RSRP1: variants seen among roughly 807,000 people sequenced by gnomAD.
RSRP1 encodes arginine/serine-rich protein 1.
RSRP1 carries 37 observed loss-of-function variants against 33.0 expected under a neutral mutation model. That is an observed-to-expected ratio of 1.12 (90% CI 0.86 to 1.48). The LOEUF is 1.48. Ranked by LOEUF, RSRP1 falls within the 40% of genes most tolerant of loss-of-function variation. The pLI, the probability that RSRP1 is intolerant of heterozygous loss-of-function variation, is 0.00. For synonymous variants in RSRP1, 167 were observed against 158.7 expected (o/e 1.05, Z -0.40); for missense variants, 402 against 385.3 (o/e 1.04, Z -0.36).
chr1:25,268,987 T>C (rs1263967470), intron 1 of RSRP1, among the ~76,000 whole-genome samples: 1 of 129,082 alleles, frequency 7.7e-6, no homozygotes, highest in Non-Finnish European at 1.8e-5. Context: ...GGGAAAACTT[T>C]CCTGAGAAGG....
chr1:25,273,381 C>T (rs1411749588), intron 1 of RSRP1, among the ~76,000 whole-genome samples: 2 of 100,792 alleles, frequency 2.0e-5, no homozygotes, highest in Non-Finnish European at 4.8e-5. Context: ...TGGACACAAG[C>T]GATCCTCCAG....
intron 1 of RSRP1, among the ~76,000 whole-genome samples, chr1:25,280,921 C>G (rs1205618177): frequency 7.6e-6 from 1 of 132,268 alleles, no homozygotes; most frequent in African/African-American, 2.6e-5. Context: ...CATACCTGGT[C>G]TGACTTCCTA....
In RSRP1 at chr1:25,243,525, G is replaced by C. The variant is rs1462043847; in HGVS notation, c.756+25C>G. On this transcript the variant is annotated intron_variant, in intron 4 of 4. Coordinates refer to ENST00000243189, the MANE Select transcript of RSRP1 (RefSeq NM_020317.5). ...AATACATCCTAAATCCAATTTTTGA[G>C]TGTTCAATGCCTGGATATACTTACA... is the stretch of plus-strand genomic sequence containing the variant. 6 of 1,606,248 alleles carry C rather than the reference G, an allele frequency of 3.7e-6. No individual in the cohort carries two copies. In the Admixed American group the frequency reaches 1.0e-4, roughly 27 times the overall value.
intron 1 of RSRP1, among the ~76,000 whole-genome samples, chr1:25,315,116 AC>A: frequency 7.7e-6 from 1 of 129,216 alleles, no homozygotes; most frequent in Non-Finnish European, 1.8e-5. Context: ...AGATCACGCC[AC>A]TGCACTCCAG....
chr1:25,250,882 G>A (rs187129589), upstream of RSRP1, among the ~76,000 whole-genome samples: 34 of 152,210 alleles, frequency 2.2e-4, no homozygotes, highest in South Asian at 1.5e-3. Flanking sequence ...GGTGGCGTCC[G>A]CCTGTAATCC....
chr1:25,268,190 T>C (rs1640381397), intron 1 of RSRP1, among the ~76,000 whole-genome samples: 1 of 133,490 alleles, frequency 7.5e-6, no homozygotes, highest in Non-Finnish European at 1.8e-5. Context: ...CCTGTCTTCA[T>C]GTTGCTCAGA....
chr1:25,314,532 C>T lies in RSRP1; in HGVS notation c.-67+23446G>A, dbSNP rs1644333383. ...TTTTTGAAACAGAGTCTCCTTCTGT[C>T]ACCCAGGCTGGAATGCAGTGGCGCT... On this transcript the variant is annotated intron_variant, in intron 1 of 1. Transcript: ENST00000561867. 1.5e-5 allele frequency among the ~76,000 whole-genome samples: 2 copies of T among 132,594 alleles called. 1 individual carries two copies. Among genetic ancestry groups the T allele is most frequent in the African/African-American group, 5.1e-5 (2 of 38,922 alleles). The allele number at this position is 132,594 out of a possible 152,430, so 87.0% of individuals were successfully genotyped here.
chr1:25,312,588 A>C (rs1644204343), intron 1 of RSRP1, among the ~76,000 whole-genome samples: 1 of 129,472 alleles, frequency 7.7e-6, no homozygotes, highest in African/African-American at 2.6e-5. Flanking sequence ...TACAAAAAAT[A>C]AAAATAAAAA....
chr1:25,293,588 A>G (rs1458846820), intron 1 of RSRP1, among the ~76,000 whole-genome samples: 1 of 131,464 alleles, frequency 7.6e-6, no homozygotes, highest in African/African-American at 2.6e-5. Flanking sequence ...CTGTATCTTC[A>G]GAAGCACTCC....
chr1:25,245,186 A>G lies in RSRP1; in HGVS notation c.636T>C (p.Arg212=), dbSNP rs775225777. ...RTVPSAKETS[R]GIGVSSNGAK... Reference sequence around the variant, plus strand: ...CACCATTACTTGATACACCTATTCCACGGCTTGTTTCTTTGGCTGAAGGAA... The same window carrying G: ...CACCATTACTTGATACACCTATTCCGCGGCTTGTTTCTTTGGCTGAAGGAA... The change falls in exon 3 of 5, where the codon CGT becomes CGC. Residue 212 remains arginine, a synonymous_variant. Transcript: ENST00000243189. 33 of 1,614,136 alleles carry G rather than the reference A, an allele frequency of 2.0e-5. No homozygotes were observed. Among genetic ancestry groups the G allele is most frequent in the Non-Finnish European group, 2.8e-5 (33 of 1,180,004 alleles).
upstream of RSRP1, chr1:25,247,608 C>T (rs1052523192): frequency 1.3e-5 from 2 of 152,370 alleles, no homozygotes; most frequent in African/African-American, 4.8e-5. Context: ...GAGCGCTTGC[C>T]TCCAGGGTGC....
intron 1 of RSRP1, among the ~76,000 whole-genome samples, chr1:25,295,850 ATTTTTTTTTTTTT>A (rs61131306): frequency 4.9e-5 from 4 of 81,320 alleles, no homozygotes; most frequent in African/African-American, 1.7e-4. Flanking sequence ...AATATGGGAA[ATTTTTTTTTTTTT>A]TTTTTTTTTT....
intron 1 of RSRP1, among the ~76,000 whole-genome samples, chr1:25,314,567 CACT>C (rs1644336645): frequency 7.5e-6 from 1 of 132,932 alleles, no homozygotes; most frequent in African/African-American, 2.6e-5. Flanking sequence ...TATCTCAGCC[CACT>C]ACAACCTCTG....
chr1:25,243,613 T>C lies in RSRP1; in HGVS notation c.693A>G (p.Glu231=), dbSNP rs146247420. The change falls in exon 4 of 5, where the codon GAA becomes GAG. Residue 231 remains glutamate (E), a synonymous_variant. Coordinates refer to ENST00000243189, the MANE Select transcript of RSRP1 (RefSeq NM_020317.5). ...AKPELSEKVT[E]DGTRNPNEKP... Reference sequence around the variant, plus strand: ...TTTCATTGGGATTTCGAGTTCCATCTTCTGTTACCTTTTCCGACAGCTAGA... The same window carrying C: ...TTTCATTGGGATTTCGAGTTCCATCCTCTGTTACCTTTTCCGACAGCTAGA... The C allele has an allele frequency of 8.9e-5, 143 of 1,613,732 alleles. 1 individual carries two copies. In the South Asian group the frequency reaches 1.4e-3, roughly 16 times the overall value.
In RSRP1 at chr1:25,254,124, C is replaced by A. The variant is rs146477084; in HGVS notation, c.-66-7095G>T. Among the ~76,000 whole-genome samples the A allele has an allele frequency of 9.9e-5, 15 of 152,236 alleles. No homozygotes were observed. In the East Asian group the frequency reaches 2.9e-3, roughly 29 times the overall value. ...ACAAACATGGCCTTTTTTAGGATGT[C>A]CCAAGGAATTCCTGCTGCTGGGTGA... On this transcript the variant is annotated intron_variant, in intron 1 of 1. Coordinates refer to the RSRP1 transcript ENST00000561867.
chr1:25,288,602 T>G (rs185301118), intron 1 of RSRP1, among the ~76,000 whole-genome samples: 1 of 126,916 alleles, frequency 7.9e-6, no homozygotes, highest in African/African-American at 2.7e-5. Context: ...TTACCGTGGC[T>G]CCAGAGGCAT....
At chr1:25,243,488 C>T in intron 4 of RSRP1, 62 bp downstream of exon 4, 1 of 1,581,746 alleles carries the variant, frequency 6.3e-7, no homozygotes, top group East Asian at 2.3e-5. Flanking sequence ...GATAAAAACA[C>T]AAAGATGCAA....
Position 25,277,831 on chromosome 1 carries a change from C to T in RSRP1, c.-66-30802G>A, listed in dbSNP as rs1208224236. 9.5e-5 allele frequency among the ~76,000 whole-genome samples: 12 copies of T among 125,660 alleles called. 4 individuals carry two copies. The highest frequency in any genetic ancestry group is 2.1e-4 in the Non-Finnish European group (11 of 53,290). 82.4% of individuals were successfully genotyped at this position (125,660 alleles called of 152,430 possible). On this transcript the variant is annotated intron_variant, in intron 1 of 1. Transcript: ENST00000561867. ...CTGGGATTACAGGCATGCGCCACCA[C>T]GCCCGGCTAATTTTGTATTTTTAGT...
At chr1:25,243,487 A>C (rs1484224878) in intron 4 of RSRP1, 63 bp downstream of exon 4, 12 of 1,583,718 alleles carry the variant, frequency 7.6e-6, no homozygotes, top group Non-Finnish European at 1.0e-5. Context: ...AGATAAAAAC[A>C]CAAAGATGCA....
Sources: allele counts gnomAD v4.1 joint callset (sites outside exome capture counted in the v4.1 genomes callset), GRCh38; gene constraint gnomAD v4.1.1; transcripts MANE v1.5; gene names NCBI Gene and HGNC (gene_info 2026-07-23, HGNC 2026-07-21).